Variants in TRHDE observed in about 807,000 individuals in gnomAD.
TRHDE encodes the protein thyrotropin releasing hormone degrading enzyme.
In TRHDE, 72 loss-of-function variants were observed where a neutral mutation model predicts 125.7. The observed-to-expected ratio is 0.57, with a 90% CI of 0.47 to 0.70. TRHDE has a LOEUF of 0.70. Ranked by LOEUF, TRHDE falls within the 30% of genes least tolerant of loss-of-function variation. The pLI, the probability that TRHDE is intolerant of heterozygous loss-of-function variation, is 0.00. For synonymous variants in TRHDE, 509 were observed against 509.1 expected, an observed-to-expected ratio of 1.00 and a Z score of 0.00; for missense variants, 1,110 against 1,327.1, an observed-to-expected ratio of 0.84 and a Z score of 2.54.
At chr12:72,222,956 C>A (rs900747980) in intron 2 of TRHDE, among the ~76,000 whole-genome samples, 5 of 152,048 alleles carry the variant, frequency 3.3e-5, no homozygotes, top group Non-Finnish European at 7.4e-5. Flanking sequence ...TAAAGCTCCT[C>A]CTTTTATTAA....
intron 2 of TRHDE, among the ~76,000 whole-genome samples, chr12:72,139,358 A>C (rs1012291364): frequency 6.6e-6 from 1 of 152,172 alleles, no homozygotes; most frequent in Non-Finnish European, 1.5e-5. Context: ...TATAATGATA[A>C]AAACTTTAGA....
chr12:72,519,141 G>T (rs1247504228), intron 6 of TRHDE, among the ~76,000 whole-genome samples: 1 of 152,026 alleles, frequency 6.6e-6, no homozygotes. Context: ...TGCTCTTCTC[G>T]AGGAGTATCT....
At chr12:72,127,886 T>C (rs770329661) in intron 2 of TRHDE, among the ~76,000 whole-genome samples, 5 of 152,046 alleles carry the variant, frequency 3.3e-5, no homozygotes, top group Middle Eastern at 3.2e-3. Context: ...TGTGTGTATA[T>C]ATATACACAC....
At chr12:72,112,436 AC>A (rs1875337814) in intron 2 of TRHDE, among the ~76,000 whole-genome samples, 1 of 152,210 alleles carries the variant, frequency 6.6e-6, no homozygotes, top group African/African-American at 2.4e-5. Context: ...AAATATGTGT[AC>A]ACTCACAGCA....
chr12:72,422,214 T>C (rs1167653655), intron 3 of TRHDE, among the ~76,000 whole-genome samples: 1 of 152,136 alleles, frequency 6.6e-6, no homozygotes, highest in Non-Finnish European at 1.5e-5. Flanking sequence ...GGAGAAAATC[T>C]TGCCAATTTT....
chr12:72,632,800 A>G (rs891303970), intron 15 of TRHDE, among the ~76,000 whole-genome samples: 3 of 145,658 alleles, frequency 2.1e-5, no homozygotes, highest in Non-Finnish European at 4.5e-5. Flanking sequence ...ACCTTTTTGT[A>G]GGTCTTTATC....
At chr12:72,646,496 C>A (rs1311881714) in intron 15 of TRHDE, among the ~76,000 whole-genome samples, 1 of 151,928 alleles carries the variant, frequency 6.6e-6, no homozygotes, top group African/African-American at 2.4e-5. Flanking sequence ...ATCAATATTA[C>A]CTTGGATATA....
intron 2 of TRHDE, among the ~76,000 whole-genome samples, chr12:72,249,300 C>G (rs186015305): frequency 1.3e-5 from 2 of 152,180 alleles, no homozygotes; most frequent in East Asian, 3.9e-4. Context: ...GTGTACCTGA[C>G]AAAGAATTTT....
chr12:72,136,669 A>T (rs891011870), intron 2 of TRHDE, among the ~76,000 whole-genome samples: 1 of 152,230 alleles, frequency 6.6e-6, no homozygotes, highest in Admixed American at 6.5e-5. Context: ...ATTTGTTGGA[A>T]CATCTACATC....
intron 15 of TRHDE, among the ~76,000 whole-genome samples, chr12:72,648,502 A>C (rs534750354): frequency 6.6e-6 from 1 of 152,296 alleles, no homozygotes; most frequent in South Asian, 2.1e-4. Context: ...AAATCCCTAA[A>C]GTCTCCACCA....
chr12:72,432,234 A>T (rs1375353588), intron 3 of TRHDE, among the ~76,000 whole-genome samples: 2 of 152,136 alleles, frequency 1.3e-5, no homozygotes, highest in African/African-American at 4.8e-5. Context: ...TATGCAGTTT[A>T]AGAGCAGCTA....
intron 3 of TRHDE, among the ~76,000 whole-genome samples, chr12:72,469,104 A>G (rs955457137): frequency 6.6e-6 from 1 of 152,170 alleles, no homozygotes; most frequent in Middle Eastern, 3.2e-3. Context: ...TTCATAGGTG[A>G]GGGAATTGTG....
intron 6 of TRHDE, among the ~76,000 whole-genome samples, chr12:72,501,250 G>C (rs1878142695): frequency 6.6e-6 from 1 of 152,012 alleles, no homozygotes; most frequent in Non-Finnish European, 1.5e-5. Flanking sequence ...GAAGTGGTGA[G>C]AGCAAACCCT....
At chr12:72,629,570 C>T (rs944249074) in intron 15 of TRHDE, among the ~76,000 whole-genome samples, 2 of 151,576 alleles carry the variant, frequency 1.3e-5, no homozygotes, top group Non-Finnish European at 3.0e-5. Flanking sequence ...ACATGGGCAA[C>T]TAAGAACAAC....
intron 2 of TRHDE, among the ~76,000 whole-genome samples, chr12:72,224,118 CTATCTATCTATCTATCTATCTATT>C (rs1565666624): frequency 0.063 from 4,142 of 65,588 alleles, 60 homozygotes; most frequent in Non-Finnish European, 0.078. Context: ...ATCTATCTAT[CTATCTATCTATCTATCTATCTATT>C]TATCTATGTA....
At position 72,665,976 on chromosome 12, in the gene TRHDE, A is replaced by G. The variant is rs1480523113; in HGVS notation, c.*2781A>G. The G allele has an allele frequency of 6.6e-6, 1 of 152,086 alleles. No homozygotes were observed. The highest frequency in any genetic ancestry group is 1.5e-5 in the Non-Finnish European group (1 of 67,990). The allele number at this position is 152,086 out of a possible 1,614,324, so 9.4% of individuals were successfully genotyped here. A position where few individuals can be genotyped will look rare whatever the true frequency, so the allele number is the denominator to read the frequency against. ...CTTGAGTTTCAATAACATGTATTTTAGTTGGGTCATAAACTTGCATTATTT... is the reference window on the plus strand; with the variant it reads ...CTTGAGTTTCAATAACATGTATTTTGGTTGGGTCATAAACTTGCATTATTT... On this transcript the variant is annotated 3_prime_UTR_variant, in exon 19 of 19. Coordinates refer to ENST00000261180, the MANE Select transcript of TRHDE (RefSeq NM_013381.3).
intron 12 of TRHDE, among the ~76,000 whole-genome samples, chr12:72,609,425 T>C (rs531793759): frequency 6.6e-6 from 1 of 152,322 alleles, no homozygotes; most frequent in African/African-American, 2.4e-5. Flanking sequence ...TTTTGAGTAC[T>C]GATTTTATTT....
At chr12:72,648,158 A>C (rs918452263) in intron 15 of TRHDE, among the ~76,000 whole-genome samples, 1 of 152,160 alleles carries the variant, frequency 6.6e-6, no homozygotes, top group South Asian at 2.1e-4. Flanking sequence ...TCACATGATC[A>C]TCTCAATAAA....
Position 72,363,144 on chromosome 12 carries a change from A to G in TRHDE, c.1189-14851A>G, listed in dbSNP as rs1047680094. Among the ~76,000 whole-genome samples, 9 of 151,966 alleles carry G rather than the reference A, an allele frequency of 5.9e-5. 1 individual carries two copies. Among genetic ancestry groups the G allele is most frequent in the African/African-American group, 2.2e-4 (9 of 41,362 alleles). ...GATGGGGATGGCATTGAATCTATAAATTATCTTGGGCAGTATGGATGGATT... is the reference window on the plus strand; with the variant it reads ...GATGGGGATGGCATTGAATCTATAAGTTATCTTGGGCAGTATGGATGGATT... On this transcript the variant is annotated intron_variant, in intron 2 of 18. Coordinates refer to ENST00000261180, the MANE Select transcript of TRHDE (RefSeq NM_013381.3).
Sources: allele counts gnomAD v4.1 joint callset (sites outside exome capture counted in the v4.1 genomes callset), GRCh38; gene constraint gnomAD v4.1.1; transcripts MANE v1.5; gene names NCBI Gene and HGNC (gene_info 2026-07-23, HGNC 2026-07-21).